The following TJP1 variants were observed in gnomAD, a reference collection of about 807,000 sequenced individuals.
The protein encoded by TJP1 is tight junction protein 1.
A neutral mutation model predicts 194.2 loss-of-function variants in TJP1; 43 were observed. The observed-to-expected ratio is 0.22, with a 90% CI of 0.17 to 0.29. TJP1 has a LOEUF of 0.29. Among genes scored for constraint, TJP1 ranks in the 10% least tolerant of loss-of-function variants. The pLI is 1.00. For synonymous variants in TJP1, 801 were observed against 779.0 expected (o/e 1.03, Z -0.47); for missense variants, 1,971 against 2,185.7 (o/e 0.90, Z 1.96).
At chr15:29,857,366 G>A (rs2051898720) in intron 2 of TJP1, among the ~76,000 whole-genome samples, 2 of 150,762 alleles carry the variant, frequency 1.3e-5, no homozygotes, top group East Asian at 1.9e-4. Flanking sequence ...AATGCAGCTC[G>A]CTGCCAGCAC....
At position 29,916,182 on chromosome 15, in the gene TJP1, T is replaced by C. The variant is rs150919566; in HGVS notation, c.306+40050A>G. On this transcript the variant is annotated intron_variant, in intron 2 of 28. Transcript: ENST00000356107. The stretch of plus-strand genomic sequence containing the variant: ...ATCACCTGAACTCGGGAGGTGGAGG[T>C]TGCAGTGAGATTGCGCCACTGTACT... 5.2e-4 allele frequency among the ~76,000 whole-genome samples: 78 copies of C among 149,660 alleles called. 2 individuals carry two copies. In the East Asian group the frequency reaches 0.014, roughly 27 times the overall value.
chr15:29,823,692 A>G (rs897131575), upstream of TJP1: 2 of 151,858 alleles, frequency 1.3e-5, no homozygotes, highest in African/African-American at 4.8e-5. Context: ...TGCAAACCAA[A>G]CCCTTATTCC....
chr15:29,810,044 A>G (rs1405003438), intron 1 of TJP1, among the ~76,000 whole-genome samples: 1 of 152,200 alleles, frequency 6.6e-6, no homozygotes, highest in Non-Finnish European at 1.5e-5. Flanking sequence ...GAACCATCCA[A>G]AATCCAAAAA....
At chr15:29,947,571 T>C (rs1190529502) in intron 2 of TJP1, among the ~76,000 whole-genome samples, 1 of 152,208 alleles carries the variant, frequency 6.6e-6, no homozygotes, top group Admixed American at 6.5e-5. Flanking sequence ...GAACCCATTT[T>C]CATCCCTAGG....
chr15:29,802,038 G>T (rs904864655), intron 1 of TJP1, among the ~76,000 whole-genome samples: 1 of 152,122 alleles, frequency 6.6e-6, no homozygotes, highest in African/African-American at 2.4e-5. Flanking sequence ...TCTTTTAAAT[G>T]GGGTTAATTG....
Position 29,726,824 on chromosome 15 carries a change from C to T in TJP1, c.2268G>A (p.Glu756=). The T allele has an allele frequency of 6.2e-7, 1 of 1,614,118 alleles. No homozygotes were observed. The highest frequency in any genetic ancestry group is 8.5e-7 in the Non-Finnish European group (1 of 1,180,034). Residue 756 remains glutamate (E), a synonymous_variant, in exon 17 of 28, where the codon GAG becomes GAA. Transcript: ENST00000614355. ...ESRKSARKLY[E]RSHKLRKNNH... Reference sequence around the variant, plus strand: ...TATTTTTACGAAGTTTATGAGATCGCTCGTATAACTTCCTGGCACTTTTCC... The same window carrying T: ...TATTTTTACGAAGTTTATGAGATCGTTCGTATAACTTCCTGGCACTTTTCC...
intron 2 of TJP1, among the ~76,000 whole-genome samples, chr15:29,904,202 T>C (rs1010015491): frequency 1.3e-5 from 2 of 152,126 alleles, no homozygotes; most frequent in Non-Finnish European, 2.9e-5. Flanking sequence ...CTAAATGTGA[T>C]TAGCAGGAGA....
chr15:29,962,415 G>A (rs1406109833), intron 1 of TJP1, among the ~76,000 whole-genome samples: 2 of 152,092 alleles, frequency 1.3e-5, no homozygotes, highest in Admixed American at 6.5e-5. Context: ...ACACAGAATC[G>A]GGCAAAAATA....
Position 29,822,331 on chromosome 15 carries a change from G to A in TJP1, c.-303C>T, listed in dbSNP as rs1414579544. Reference sequence around the variant, plus strand: ...CCGGCCACGTCGGCCTCGCCCGGTCGCCCGCCCGTCAGCAGCACCCGTGGC... The same window carrying A: ...CCGGCCACGTCGGCCTCGCCCGGTCACCCGCCCGTCAGCAGCACCCGTGGC... On this transcript the variant is annotated 5_prime_UTR_variant, in exon 1 of 28. Transcript: ENST00000614355. The A allele has an allele frequency of 5.6e-6, 6 of 1,078,056 alleles. No individual in the cohort carries two copies. Among genetic ancestry groups the A allele is most frequent in the Admixed American group, 5.3e-5 (1 of 18,792 alleles). 66.8% of individuals were successfully genotyped at this position (1,078,056 alleles called of 1,614,324 possible).
intron 18 of TJP1, among the ~76,000 whole-genome samples, chr15:29,721,550 C>T (rs2042929432): frequency 6.6e-6 from 1 of 152,116 alleles, no homozygotes; most frequent in Non-Finnish European, 1.5e-5. Flanking sequence ...TTCTTTATCA[C>T]AGTGTGAGAA....
At chr15:29,923,069 TGAA>T (rs1382216723) in intron 2 of TJP1, among the ~76,000 whole-genome samples, 1 of 152,196 alleles carries the variant, frequency 6.6e-6, no homozygotes, top group Non-Finnish European at 1.5e-5. Flanking sequence ...TTTAGTGTGA[TGAA>T]GACAAGTTCC....
intron 2 of TJP1, among the ~76,000 whole-genome samples, chr15:29,794,531 A>G (rs2151837885): frequency 6.6e-6 from 1 of 152,218 alleles, no homozygotes; most frequent in East Asian, 1.9e-4. Context: ...TAACAAGGTC[A>G]GAAAAATCAG....
chr15:29,721,963 C>T (rs1283746581), intron 18 of TJP1, among the ~76,000 whole-genome samples: 1 of 152,200 alleles, frequency 6.6e-6, no homozygotes. Context: ...AATAGCAAAG[C>T]ATTCAAGATG....
chr15:29,896,532 C>A (rs2053482052), intron 2 of TJP1, among the ~76,000 whole-genome samples: 1 of 152,038 alleles, frequency 6.6e-6, no homozygotes, highest in Admixed American at 6.6e-5. Flanking sequence ...GAAAAGATAC[C>A]CGAAAATGTG....
chr15:29,824,266 A>G (rs2050608911), upstream of TJP1, among the ~76,000 whole-genome samples: 1 of 151,758 alleles, frequency 6.6e-6, no homozygotes, highest in Non-Finnish European at 1.5e-5. Flanking sequence ...CGACATGGTG[A>G]AACCCCATCT....
chr15:29,958,802 G>T (rs945552373), intron 1 of TJP1, among the ~76,000 whole-genome samples: 2 of 151,990 alleles, frequency 1.3e-5, no homozygotes, highest in African/African-American at 4.8e-5. Context: ...CCTACAAAAA[G>T]CCCCACCTTC....
At chr15:29,800,210 T>C (rs2048693947) in intron 2 of TJP1, among the ~76,000 whole-genome samples, 1 of 152,242 alleles carries the variant, frequency 6.6e-6, no homozygotes, top group African/African-American at 2.4e-5. Flanking sequence ...GCATCTGCAA[T>C]TGTTTAAGCA....
In TJP1 at chr15:29,822,225, G is replaced by A. The variant is rs1030882763; in HGVS notation, c.-197C>T. The A allele has an allele frequency of 9.6e-5, 113 of 1,178,226 alleles. No homozygotes were observed. Among genetic ancestry groups the A allele is most frequent in the Non-Finnish European group, 1.2e-4 (110 of 953,252 alleles). 73.0% of individuals were successfully genotyped at this position (1,178,226 alleles called of 1,614,324 possible). On this transcript the variant is annotated 5_prime_UTR_variant, in exon 1 of 28. Coordinates refer to ENST00000614355, the MANE Select transcript of TJP1 (RefSeq NM_001330239.4). ...AGTCCGGGAAGCGCCCGCCCCGCCCGGGTCTTCTCCACGGGGCGCGCCCGA... is the reference window on the plus strand; with the variant it reads ...AGTCCGGGAAGCGCCCGCCCCGCCCAGGTCTTCTCCACGGGGCGCGCCCGA...
At chr15:29,754,879 T>A (rs1033089350) in intron 8 of TJP1, among the ~76,000 whole-genome samples, 1 of 152,166 alleles carries the variant, frequency 6.6e-6, no homozygotes, top group African/African-American at 2.4e-5. Flanking sequence ...CAGAGAAAAT[T>A]AAGCAATATG....
Sources: allele counts gnomAD v4.1 joint callset (sites outside exome capture counted in the v4.1 genomes callset), GRCh38; gene constraint gnomAD v4.1.1; transcripts MANE v1.5; gene names NCBI Gene and HGNC (gene_info 2026-07-23, HGNC 2026-07-21).